The following TLR5 variants were observed in gnomAD, a reference collection of about 807,000 sequenced individuals.
The protein encoded by TLR5 is toll-like receptor 5.
For synonymous variants in TLR5, 373 were observed against 384.4 expected (o/e 0.97, Z 0.35); for missense variants, 944 against 999.8 (o/e 0.94, Z 0.75).
In TLR5 at chr1:223,132,896, TC is replaced by T. The variant is rs754739725; in HGVS notation, c.-169-258del. On this transcript the variant is annotated intron_variant, in intron 4 of 5. Coordinates refer to ENST00000642603, the MANE Select transcript of TLR5 (RefSeq NM_003268.6). ...AAGGTGGGTGTCTAAGCCATTCAGT[TC>T]CTCTGGGACCTAAAAATCTCTTTCA... Among the ~76,000 whole-genome samples the T allele has an allele frequency of 7.2e-5, 11 of 152,170 alleles. 1 individual carries two copies. In the East Asian group the frequency reaches 7.7e-4, roughly 11 times the overall value.
At chr1:223,120,731 T>C (rs1025051345) in intron 5 of TLR5, among the ~76,000 whole-genome samples, 4 of 152,196 alleles carry the variant, frequency 2.6e-5, no homozygotes, top group Non-Finnish European at 4.4e-5. Flanking sequence ...GGTGGTAGCA[T>C]TTATGTGTGA....
Position 223,111,149 on chromosome 1 carries a change from C to T in TLR5, c.1883G>A (p.Gly628Asp). The T allele has an allele frequency of 1.2e-6, 2 of 1,614,158 alleles. No individual in the cohort carries two copies. Among genetic ancestry groups the T allele is most frequent in the Non-Finnish European group, 1.7e-6 (2 of 1,180,012 alleles). ...CTTTAAGACTTCCTCTTCATCACAA[C>T]CTTCCGTGGAAAGAGAGAAGAGGGA... ...GVSLFSLSTE[G>D]CDEEEVLKSL... Residue 628 changes from glycine to aspartate, a missense_variant, in exon 6 of 6, where the codon GGT becomes GAT. Physicochemically the swap from Gly to Asp is moderately conservative, Grantham distance 94 (BLOSUM62 -1). Coordinates refer to ENST00000642603, the MANE Select transcript of TLR5 (RefSeq NM_003268.6).
At chr1:223,133,885 G>A (rs1313178564) in intron 4 of TLR5, among the ~76,000 whole-genome samples, 2 of 152,220 alleles carry the variant, frequency 1.3e-5, no homozygotes, top group African/African-American at 4.8e-5. Context: ...AGGAGCCCGC[G>A]GAGCCGCGGC....
At chr1:223,135,623 A>C (rs851191) in intron 3 of TLR5, among the ~76,000 whole-genome samples, 101,317 of 152,096 alleles carry the variant, frequency 0.67, 35,680 homozygotes, top group African/African-American at 0.89. Flanking sequence ...AGCATTTTTA[A>C]ATCCTTGTTA....
At position 223,111,300 on chromosome 1, in the gene TLR5, G is replaced by GAGTT; in HGVS notation, c.1728_1731dup (p.His578AsnfsTer3). 6.2e-7 allele frequency: 1 copy of GAGTT among 1,614,130 alleles called. No individual in the cohort carries two copies. The highest frequency in any genetic ancestry group is 8.5e-7 in the Non-Finnish European group (1 of 1,180,024). On this transcript the variant is annotated frameshift_variant, in exon 6 of 6. Coordinates refer to ENST00000642603, the MANE Select transcript of TLR5 (RefSeq NM_003268.6). LOFTEE classifies it low-confidence loss of function (END_TRUNC). The stretch of plus-strand genomic sequence containing the variant: ...TCACATTCACAAATGAACTTGTTAT[G>GAGTT]AGTTATATCCAAGACACTAAGTGAT...
rs546459059 is a variant in TLR5, at chr1:223,109,550, G to A, written c.*905C>T. The A allele has an allele frequency of 2.0e-5, 3 of 152,208 alleles. No homozygotes were observed. Among genetic ancestry groups the A allele is most frequent in the African/African-American group, 7.2e-5 (3 of 41,520 alleles). The allele number at this position is 152,208 out of a possible 1,614,324, so 9.4% of individuals were successfully genotyped here. ...AGATCTGAGAAGCCCTGACATCCTT[G>A]GCCAATTTAATTTTCACAGGAATTC... On this transcript the variant is annotated 3_prime_UTR_variant, in exon 6 of 6. Transcript: ENST00000642603.
intron 5 of TLR5, among the ~76,000 whole-genome samples, chr1:223,117,870 A>G (rs977445165): frequency 6.6e-6 from 1 of 152,224 alleles, no homozygotes; most frequent in African/African-American, 2.4e-5. Flanking sequence ...ATTTGAAGAG[A>G]TTTATTCTGA....
At chr1:223,137,524 G>C (rs1442856779) in intron 2 of TLR5, among the ~76,000 whole-genome samples, 1 of 152,164 alleles carries the variant, frequency 6.6e-6, no homozygotes, top group Non-Finnish European at 1.5e-5. Context: ...GGAAGCATTT[G>C]AGGGAGTCTC....
Position 223,111,023 on chromosome 1 carries a change from CAG to C in TLR5, c.2007_2008del (p.Ile669MetfsTer3), listed in dbSNP as rs769747854. ...CACCAGTCTCTGGGCTGTCTTATAA[CAG>C]ATAAAACAGAAGCCCCGGAACTTTG... On this transcript the variant is annotated frameshift_variant, in exon 6 of 6. Transcript: ENST00000642603. LOFTEE classifies it low-confidence loss of function (END_TRUNC). The C allele has an allele frequency of 9.3e-6, 15 of 1,614,168 alleles. No individual in the cohort carries two copies. The highest frequency in any genetic ancestry group is 1.3e-5 in the Non-Finnish European group (15 of 1,180,038).
At chr1:223,117,124 T>G (rs1186876555) in intron 5 of TLR5, among the ~76,000 whole-genome samples, 1 of 151,934 alleles carries the variant, frequency 6.6e-6, no homozygotes, top group Non-Finnish European at 1.5e-5. Context: ...CTGAGGCCCG[T>G]CGAGAATTCG....
chr1:223,135,512 C>T (rs906690096), intron 3 of TLR5, among the ~76,000 whole-genome samples: 13 of 152,190 alleles, frequency 8.5e-5, no homozygotes, highest in African/African-American at 2.7e-4. Flanking sequence ...GGATAAATAT[C>T]GGTTCTAGTC....
At chr1:223,115,786 G>A (rs1278577754) in intron 5 of TLR5, among the ~76,000 whole-genome samples, 1 of 152,160 alleles carries the variant, frequency 6.6e-6, no homozygotes, top group Non-Finnish European at 1.5e-5. Flanking sequence ...GGGTGTCTCT[G>A]ATGTAATGAG....
chr1:223,131,624 T>C lies in TLR5; in HGVS notation c.-5+851A>G, dbSNP rs775837808. ...TGTTACCCAGGCTAGAGTGCAGTGG[T>C]GCAATCAGGGCTTACTGCAGCCACA... On this transcript the variant is annotated intron_variant, in intron 5 of 5. Transcript: ENST00000642603. This position sits in a 1 kb window ranked among gnomAD's most constrained non-coding sequence, Gnocchi z 4.2. Among the ~76,000 whole-genome samples the C allele has an allele frequency of 5.9e-5, 9 of 152,314 alleles. No homozygotes were observed. Among genetic ancestry groups the C allele is most frequent in the Non-Finnish European group, 1.3e-4 (9 of 68,032 alleles).
At chr1:223,115,454 T>G (rs546213871) in intron 5 of TLR5, among the ~76,000 whole-genome samples, 10 of 152,314 alleles carry the variant, frequency 6.6e-5, no homozygotes, top group African/African-American at 2.4e-4. Flanking sequence ...TTCACCATGT[T>G]GGCCCAGGAC....
In TLR5 at chr1:223,112,783, G is replaced by A. The variant is rs764343316; in HGVS notation, c.249C>T (p.Pro83=). The A allele has an allele frequency of 2.5e-6, 4 of 1,613,386 alleles. No individual in the cohort carries two copies. The highest frequency in any genetic ancestry group is 2.2e-5 in the South Asian group (2 of 90,998). ...TGAAGGCCTCCTTGTCAATAGTCAA[G>A]GGGGTATACTGGCTCCCGAGCTCCA... ...QLLELGSQYT[P]LTIDKEAFRN... Residue 83 remains proline (P), a synonymous_variant, in exon 6 of 6, where the codon CCC becomes CCT. Coordinates refer to ENST00000642603, the MANE Select transcript of TLR5 (RefSeq NM_003268.6).
intron 5 of TLR5, among the ~76,000 whole-genome samples, chr1:223,130,445 C>T (rs1378641838): frequency 6.6e-6 from 1 of 152,138 alleles, no homozygotes; most frequent in African/African-American, 2.4e-5. Context: ...TGCCTGGTGC[C>T]TCCCTCCCTC....
chr1:223,142,441 C>G (rs1369915520), intron 1 of TLR5, among the ~76,000 whole-genome samples: 1 of 152,150 alleles, frequency 6.6e-6, no homozygotes, highest in Non-Finnish European at 1.5e-5. Context: ...AAGCCGCAGC[C>G]GTCGATTCCC....
At chr1:223,114,591 C>T (rs1377369744) in intron 5 of TLR5, among the ~76,000 whole-genome samples, 6 of 152,142 alleles carry the variant, frequency 3.9e-5, no homozygotes, top group Admixed American at 3.9e-4. Context: ...GGTGGGCTAG[C>T]TCTGACGAGG....
intron 5 of TLR5, among the ~76,000 whole-genome samples, chr1:223,130,674 G>A (rs2102920770): frequency 6.6e-6 from 1 of 152,294 alleles, no homozygotes; most frequent in South Asian, 2.1e-4. Context: ...TTCTGAGAGT[G>A]AGCTTGTTGC....
Sources: allele counts gnomAD v4.1 joint callset (sites outside exome capture counted in the v4.1 genomes callset), GRCh38; gene constraint gnomAD v4.1.1; non-coding constraint Gnocchi (gnomAD v3.1); transcripts MANE v1.5; gene names NCBI Gene and HGNC (gene_info 2026-07-23, HGNC 2026-07-21).